ABCB9: variants seen among roughly 807,000 people sequenced by gnomAD.
ABCB9 encodes ABC-type oligopeptide transporter ABCB9.
In ABCB9, 36 loss-of-function variants were observed where a neutral mutation model predicts 62.0. The observed-to-expected ratio is 0.58, with a 90% CI of 0.45 to 0.77. The LOEUF (loss-of-function observed/expected upper bound fraction) is 0.77. Among genes scored for constraint, ABCB9 ranks in the 30% least tolerant of loss-of-function variants. The probability of loss-of-function intolerance (pLI) is 0.00; values close to 1 mark genes in which losing one functional copy is unlikely to be tolerated. For missense variants in ABCB9, 943 were observed against 1,054.7 expected, an observed-to-expected ratio of 0.89 and a Z score of 1.47; for synonymous variants, 435 against 461.4, an observed-to-expected ratio of 0.94 and a Z score of 0.73.
At chr12:122,962,247 C>T (rs762158096) in intron 1 of ABCB9, among the ~76,000 whole-genome samples, 3 of 152,198 alleles carry the variant, frequency 2.0e-5, no homozygotes, top group Non-Finnish European at 2.9e-5. Context: ...GGCTTGTCCA[C>T]GGTAGGGTTA....
At position 122,946,079 on chromosome 12, in the gene ABCB9, G is replaced by C. The variant is rs2036031190; in HGVS notation, c.1197C>G (p.Tyr399Ter). The C allele has an allele frequency of 6.2e-7, 1 of 1,613,842 alleles. No individual in the cohort carries two copies. Among genetic ancestry groups the C allele is most frequent in the Non-Finnish European group, 8.5e-7 (1 of 1,180,032 alleles). ...CAGCTGCCTCCTTCCTGTTCAGCTT[G>C]TACACCTGCTGCAGCTTCCGCAGGT... is the stretch of plus-strand genomic sequence containing the variant. The part of the protein sequence containing the change: ...EVYLRKLQQV[Y>*]KLNRKEAAAY... The change falls in exon 6 of 12, where the codon TAC (tyrosine) becomes TAG (stop). Residue 399 changes from tyrosine (Y) to a stop codon, truncating the protein, a stop_gained. Coordinates refer to ENST00000280560, the MANE Select transcript of ABCB9 (RefSeq NM_019625.4). LOFTEE classifies it high-confidence loss of function.
intron 1 of ABCB9, among the ~76,000 whole-genome samples, chr12:122,961,074 T>A (rs180703475): frequency 0.013 from 1,902 of 150,402 alleles, 25 homozygotes; most frequent in African/African-American, 0.033. Context: ...AAAAAAAAAA[T>A]TTTTTTTAAT....
chr12:122,941,054 C>T, intron 7 of ABCB9, 59 bp from the exon 8 acceptor site: 1 of 1,496,154 alleles, frequency 6.7e-7, no homozygotes, highest in South Asian at 1.3e-5. Context: ...GGACCCACCC[C>T]TGCTACTAGA....
At chr12:122,920,891 C>G, downstream of ABCB9, 1 of 831,898 alleles carries the variant, frequency 1.2e-6, no homozygotes, top group East Asian at 2.7e-5. Context: ...CCAGCCTGGG[C>G]AACAGAGTGA....
chr12:122,936,942 C>T (rs1325234383), intron 9 of ABCB9, among the ~76,000 whole-genome samples: 2 of 150,210 alleles, frequency 1.3e-5, no homozygotes, highest in African/African-American at 2.5e-5. Flanking sequence ...TGGTGGTGTG[C>T]ACCTATAGTC....
chr12:122,922,189 T>A (rs2034763950), intron 11 of ABCB9, among the ~76,000 whole-genome samples: 2 of 152,102 alleles, frequency 1.3e-5, no homozygotes, highest in Admixed American at 1.3e-4. Flanking sequence ...GCAGCACTTA[T>A]CATGCCAGGG....
intron 11 of ABCB9, among the ~76,000 whole-genome samples, chr12:122,923,360 G>T (rs973370125): frequency 2.0e-5 from 3 of 152,004 alleles, no homozygotes; most frequent in African/African-American, 4.8e-5. Context: ...CGACCTCCAC[G>T]CACTGCAAGC....
At chr12:122,949,560 G>A (rs1283510466) in intron 4 of ABCB9, among the ~76,000 whole-genome samples, 1 of 152,234 alleles carries the variant, frequency 6.6e-6, no homozygotes, top group African/African-American at 2.4e-5. Flanking sequence ...GACCTCGGGT[G>A]GCCTGGCCTG....
At chr12:122,921,919 C>A (rs915979698) in intron 11 of ABCB9, among the ~76,000 whole-genome samples, 8 of 152,182 alleles carry the variant, frequency 5.3e-5, no homozygotes, top group Middle Eastern at 3.2e-3. Flanking sequence ...GCAGCAATGG[C>A]TGTGTCAGTG....
chr12:122,942,030 A>T (rs577889866), intron 7 of ABCB9, among the ~76,000 whole-genome samples: 15 of 152,130 alleles, frequency 9.9e-5, no homozygotes, highest in Admixed American at 4.6e-4. Context: ...CGTCCGGCCA[A>T]GCATGCTCTG....
chr12:122,973,526 T>C (rs549438686), intron 1 of ABCB9, among the ~76,000 whole-genome samples: 69 of 115,034 alleles, frequency 6.0e-4, no homozygotes, highest in African/African-American at 2.3e-3. Context: ...ATTGCGCCAC[T>C]GCAGTCCGCA....
chr12:122,931,993 G>C (rs1344219587), intron 11 of ABCB9, 199 bp downstream of exon 11: 1 of 903,580 alleles, frequency 1.1e-6, no homozygotes, highest in Admixed American at 2.3e-5. Context: ...ATACAGCTCT[G>C]CCTGGAGCCT....
intron 7 of ABCB9, among the ~76,000 whole-genome samples, chr12:122,943,004 C>A (rs896512522): frequency 2.6e-5 from 4 of 152,162 alleles, no homozygotes; most frequent in African/African-American, 9.7e-5. Context: ...CATCCTTGAG[C>A]CTTTGTCAGC....
At chr12:122,922,354 A>T (rs1566144214) in intron 11 of ABCB9, among the ~76,000 whole-genome samples, 1 of 151,898 alleles carries the variant, frequency 6.6e-6, no homozygotes, top group Admixed American at 6.6e-5. Context: ...AGTCTTTTTA[A>T]TTTTTTTATT....
In ABCB9 at chr12:122,950,666, T is replaced by A. The variant is rs966618289; in HGVS notation, c.602-101A>T. On this transcript the variant is annotated intron_variant, in intron 2 of 11. Coordinates refer to ENST00000280560, the MANE Select transcript of ABCB9 (RefSeq NM_019625.4). ...TCCACACACCAACCCCTCTGCCCAC[T>A]CCACCGGTGGGCTTTCCTCCCTCGG... The A allele has an allele frequency of 1.2e-5, 11 of 943,334 alleles. No homozygotes were observed. The East Asian group carries it at 2.9e-4, about 25-fold the overall frequency. 58.4% of individuals were successfully genotyped at this position (943,334 alleles called of 1,614,324 possible).
chr12:122,971,548 G>A (rs2037271033), intron 1 of ABCB9, among the ~76,000 whole-genome samples: 1 of 152,056 alleles, frequency 6.6e-6, no homozygotes, highest in Admixed American at 6.6e-5. Flanking sequence ...CTGCTTCCCA[G>A]GTTCAAGTGA....
At chr12:122,926,571 C>G (rs114361679), downstream of ABCB9, among the ~76,000 whole-genome samples, 214 of 151,730 alleles carry the variant, frequency 1.4e-3, no homozygotes, top group African/African-American at 4.7e-3. Context: ...AAAACCCTGC[C>G]AAAATAAAAC....
chr12:122,931,181 T>G (rs2135756500), intron 11 of ABCB9: 1 of 152,070 alleles, frequency 6.6e-6, no homozygotes, highest in African/African-American at 2.4e-5. Context: ...CCTGCCACCA[T>G]ACCTGGCGGA....
At chr12:122,926,948 T>C (rs967991471), downstream of ABCB9, among the ~76,000 whole-genome samples, 3 of 152,154 alleles carry the variant, frequency 2.0e-5, no homozygotes, top group Non-Finnish European at 2.9e-5. Context: ...TTAAATGTAA[T>C]GTGGGACACT....
Sources: gnomAD v4.1 joint callset for allele counts (sites outside exome capture counted in the v4.1 genomes callset) on GRCh38, gnomAD v4.1.1 for gene constraint, MANE v1.5 for transcripts, NCBI Gene and HGNC (gene_info 2026-07-23, HGNC 2026-07-21) for gene names.